Variants in UBE2Z observed in about 807,000 individuals in gnomAD.
The protein encoded by UBE2Z is ubiquitin conjugating enzyme E2 Z, also known as ubiquitin-conjugating enzyme E2 Z.
UBE2Z carries 10 observed loss-of-function variants against 32.6 expected under a neutral mutation model. That is an observed-to-expected ratio of 0.31 (90% confidence interval 0.19 to 0.52). The LOEUF is 0.52. Ranked by LOEUF, UBE2Z falls within the 20% of genes least tolerant of loss-of-function variation. The probability of loss-of-function intolerance (pLI) is 0.97; values close to 1 mark genes in which losing one functional copy is unlikely to be tolerated. For synonymous variants in UBE2Z, 183 were observed against 190.8 expected (o/e 0.96, Z 0.34); for missense variants, 343 against 480.9 (o/e 0.71, Z 2.68).
chr17:48,923,196 C>G, intron 6 of UBE2Z: 1 of 277,746 alleles, frequency 3.6e-6, no homozygotes, highest in Non-Finnish European at 7.1e-6. Flanking sequence ...TGGCGTGTAC[C>G]TGTAGTCCCA....
intron 4 of UBE2Z, 78 bp downstream of exon 4, chr17:48,916,265 T>G (rs1383470946): frequency 1.4e-5 from 10 of 690,846 alleles, no homozygotes; most frequent in Middle Eastern, 4.1e-4. Context: ...TTTGTTTTTT[T>G]TTTTTTTTGA....
intron 1 of UBE2Z, 168 bp downstream of exon 1, chr17:48,908,988 TCTC>T: frequency 6.3e-6 from 2 of 318,780 alleles, no homozygotes; most frequent in Non-Finnish European, 1.2e-5. Flanking sequence ...CCAACTCCCT[TCTC>T]CCCCCACCCT....
intron 4 of UBE2Z, among the ~76,000 whole-genome samples, chr17:48,917,399 C>T (rs1448440140): frequency 6.6e-6 from 1 of 152,042 alleles, no homozygotes; most frequent in Non-Finnish European, 1.5e-5. Flanking sequence ...CAATGGACTC[C>T]TTTGGAAATT....
At position 48,909,541 on chromosome 17, in the gene UBE2Z, T is replaced by TC. The variant is rs1567776529; in HGVS notation, c.317+727dup. Among the ~76,000 whole-genome samples the TC allele has an allele frequency of 3.1e-5, 3 of 95,246 alleles. No homozygotes were observed. The Admixed American group carries it at 3.8e-4, about 12-fold the overall frequency. 62.5% of individuals were successfully genotyped at this position (95,246 alleles called of 152,430 possible). ...AGGAGCTTCTTTCTTGTAATTTCCC[T>TC]CCCCCCACCCCCCACCCTCCCCGGG... On this transcript the variant is annotated intron_variant, in intron 1 of 6. Transcript: ENST00000360943.
rs2040673903 is a variant in UBE2Z, at chr17:48,911,133, T to C, written c.390+253T>C. The C allele has an allele frequency of 6.1e-6, 3 of 491,312 alleles. No individual in the cohort carries two copies. The South Asian group carries it at 7.9e-5, about 13-fold the overall frequency. The allele number at this position is 491,312 out of a possible 1,614,324, so 30.4% of individuals were successfully genotyped here. A position where few individuals can be genotyped will look rare whatever the true frequency, so the allele number is the denominator to read the frequency against. The stretch of plus-strand genomic sequence containing the variant: ...CCAGTTCATGTCTGTTGTCGCAGCT[T>C]GACTATTTATAGGGCATTCTTTCAC... On this transcript the variant is annotated intron_variant, in intron 2 of 6. Coordinates refer to ENST00000360943, the MANE Select transcript of UBE2Z (RefSeq NM_023079.5).
In UBE2Z at chr17:48,910,794, T is replaced by G. The variant is rs1306283075; in HGVS notation, c.318-14T>G. 2 of 1,602,792 alleles carry G rather than the reference T, an allele frequency of 1.2e-6. No individual in the cohort carries two copies. Among genetic ancestry groups the G allele is most frequent in the Non-Finnish European group, 1.7e-6 (2 of 1,169,790 alleles). ...TCCTCACTCCTTCCCCCACCTCCTC[T>G]TGGTGTTATACAGGGATATCATGTC... is the stretch of plus-strand genomic sequence containing the variant. On this transcript the variant is annotated splice_polypyrimidine_tract_variant and intron_variant, in intron 1 of 6. Transcript: ENST00000360943.
chr17:48,921,906 C>T (rs925361068), intron 5 of UBE2Z, among the ~76,000 whole-genome samples: 1 of 151,900 alleles, frequency 6.6e-6, no homozygotes, highest in Non-Finnish European at 1.5e-5. Flanking sequence ...CACGCTCCTG[C>T]AGTCACAGCC....
At position 48,923,114 on chromosome 17, in the gene UBE2Z, A is replaced by G. The variant is rs1056605436; in HGVS notation, c.894+177A>G. On this transcript the variant is annotated intron_variant, in intron 6 of 6. Transcript: ENST00000360943. ...AGGCGGGCGGATCACGAGGTCGGGAAATTGAGACCATCCTGGCTAACACGG... is the reference window on the plus strand; with the variant it reads ...AGGCGGGCGGATCACGAGGTCGGGAGATTGAGACCATCCTGGCTAACACGG... 127 of 471,062 alleles carry G rather than the reference A, an allele frequency of 2.7e-4. 2 individuals are homozygous for G. Among genetic ancestry groups the G allele is most frequent in the South Asian group, 6.1e-4 (22 of 36,018 alleles). The allele number at this position is 471,062 out of a possible 1,614,324, so 29.2% of individuals were successfully genotyped here. A position where few individuals can be genotyped will look rare whatever the true frequency, so the allele number is the denominator to read the frequency against.
In UBE2Z at chr17:48,910,803, T is replaced by C. The variant is rs1485683172; in HGVS notation, c.318-5T>C. On this transcript the variant is annotated splice_region_variant and splice_polypyrimidine_tract_variant and intron_variant, in intron 1 of 6. Transcript: ENST00000360943. ...CTTCCCCCACCTCCTCTTGGTGTTA[T>C]ACAGGGATATCATGTCCATTTATAA... The C allele has an allele frequency of 6.2e-7, 1 of 1,610,572 alleles. No homozygotes were observed. Among genetic ancestry groups the C allele is most frequent in the Admixed American group, 1.7e-5 (1 of 59,986 alleles).
chr17:48,910,875 A>T lies in UBE2Z; in HGVS notation c.385A>T (p.Thr129Ser). 2 of 1,613,026 alleles carry T rather than the reference A, an allele frequency of 1.2e-6. No homozygotes were observed. Among genetic ancestry groups the T allele is most frequent in the Non-Finnish European group, 1.7e-6 (2 of 1,179,348 alleles). Residue 129 changes from threonine (T) to serine (S), a missense_variant, in exon 2 of 7, where the codon ACT becomes TCT. By Grantham distance (58) the Thr-to-Ser change is moderately conservative. Coordinates refer to ENST00000360943, the MANE Select transcript of UBE2Z (RefSeq NM_023079.5). Reference protein sequence around the residue: ...MFVVPDTVDMTKIHALITGPF... With the variant: ...MFVVPDTVDMSKIHALITGPF... ...CGTTGTACCTGATACTGTTGACATG[A>T]CTAAGGTATGTAACTTGATGGGGGT...
At chr17:48,909,308 C>G (rs1001294230) in intron 1 of UBE2Z, among the ~76,000 whole-genome samples, 1 of 151,956 alleles carries the variant, frequency 6.6e-6, no homozygotes, top group Non-Finnish European at 1.5e-5. Context: ...ATGCCTCTGA[C>G]TCGAGCCAAC....
At chr17:48,914,597 C>G (rs574734679) in intron 3 of UBE2Z, among the ~76,000 whole-genome samples, 5 of 152,212 alleles carry the variant, frequency 3.3e-5, no homozygotes, top group Non-Finnish European at 5.9e-5. Context: ...AAAGTAGGCT[C>G]TCCCTCATTG....
At chr17:48,914,941 A>G (rs2040708710) in intron 3 of UBE2Z, among the ~76,000 whole-genome samples, 1 of 152,156 alleles carries the variant, frequency 6.6e-6, no homozygotes, top group African/African-American at 2.4e-5. Flanking sequence ...GAATTGCTTG[A>G]ACCTGGGAGG....
At chr17:48,909,840 GTC>G (rs2040662885) in intron 1 of UBE2Z, among the ~76,000 whole-genome samples, 1 of 152,026 alleles carries the variant, frequency 6.6e-6, no homozygotes, top group Non-Finnish European at 1.5e-5. Context: ...CCTTTCAGAT[GTC>G]TCTGTGTCTA....
At chr17:48,908,964 C>T (rs2040651845) in intron 1 of UBE2Z, 144 bp downstream of exon 1, 3 of 498,986 alleles carry the variant, frequency 6.0e-6, no homozygotes, top group Non-Finnish European at 9.6e-6. Flanking sequence ...CTTGCCAGCT[C>T]CGGGCGTCGG....
At chr17:48,915,137 A>T (rs530050629) in intron 3 of UBE2Z, among the ~76,000 whole-genome samples, 24 of 152,308 alleles carry the variant, frequency 1.6e-4, no homozygotes, top group African/African-American at 4.8e-4. Context: ...TTACTGACAA[A>T]AGAAATTTAA....
rs1214259463 is a variant in UBE2Z, at chr17:48,917,164, G to A, written c.690+977G>A. Among the ~76,000 whole-genome samples the A allele has an allele frequency of 3.9e-5, 6 of 152,208 alleles. No individual in the cohort carries two copies. The East Asian group carries it at 1.2e-3, about 29-fold the overall frequency. On this transcript the variant is annotated intron_variant, in intron 4 of 6. Coordinates refer to ENST00000360943, the MANE Select transcript of UBE2Z (RefSeq NM_023079.5). ...TACTAAAAATACAAAAAATTAGCTGGGTGTGGTGGCAGGCGCCTGTAGTCC... is the reference window on the plus strand; with the variant it reads ...TACTAAAAATACAAAAAATTAGCTGAGTGTGGTGGCAGGCGCCTGTAGTCC...
intron 6 of UBE2Z, 123 bp downstream of exon 6, chr17:48,923,060 G>A (rs543276176): frequency 1.4e-5 from 12 of 868,852 alleles, no homozygotes; most frequent in South Asian, 3.7e-5. Flanking sequence ...AGTGGCTCAT[G>A]CCTGTAATCC....
At chr17:48,909,055 T>A in intron 1 of UBE2Z, 1 of 75,004 alleles carries the variant, frequency 1.3e-5, no homozygotes, top group Non-Finnish European at 2.3e-5. Context: ...ACCCCGCCCC[T>A]CGACAACCTC....
Sources: gnomAD v4.1 joint callset for allele counts (sites outside exome capture counted in the v4.1 genomes callset) on GRCh38, gnomAD v4.1.1 for gene constraint, MANE v1.5 for transcripts, NCBI Gene and HGNC (gene_info 2026-07-23, HGNC 2026-07-21) for gene names.